Variants in ABLIM1 observed in about 807,000 individuals in gnomAD.
ABLIM1 encodes actin binding LIM protein 1.
Under a neutral mutation model 107.0 loss-of-function variants are expected in ABLIM1, and 40 were observed. That is an observed-to-expected ratio of 0.37 (90% confidence interval 0.29 to 0.49). ABLIM1 has a LOEUF of 0.49. Among genes scored for constraint, ABLIM1 ranks in the 20% least tolerant of loss-of-function variants. ABLIM1 has a pLI of 0.97. For synonymous variants in ABLIM1, 357 were observed against 357.3 expected, an observed-to-expected ratio of 1.00 and a Z score of 0.01; for missense variants, 857 against 1,008.5, an observed-to-expected ratio of 0.85 and a Z score of 2.04.
intron 8 of ABLIM1, among the ~76,000 whole-genome samples, chr10:114,486,849 C>T (rs550279620): frequency 7.9e-5 from 12 of 151,814 alleles, no homozygotes; most frequent in African/African-American, 2.2e-4. Context: ...TTGATGGATG[C>T]GAATTGAGGA....
chr10:114,662,512 C>A (rs968723656), upstream of ABLIM1, among the ~76,000 whole-genome samples: 14 of 152,160 alleles, frequency 9.2e-5, no homozygotes, highest in African/African-American at 3.4e-4. Flanking sequence ...ATCTTCTCTG[C>A]AAAGCCCAAT....
intron 2 of ABLIM1, among the ~76,000 whole-genome samples, chr10:114,578,886 A>C (rs1020063319): frequency 6.8e-6 from 1 of 145,986 alleles, no homozygotes; most frequent in Non-Finnish European, 1.5e-5. Flanking sequence ...TCCTGGGTTC[A>C]AGCGATTCTC....
At chr10:114,573,760 T>A (rs1022487944) in intron 3 of ABLIM1, among the ~76,000 whole-genome samples, 2 of 152,158 alleles carry the variant, frequency 1.3e-5, no homozygotes, top group Non-Finnish European at 2.9e-5. Context: ...GTTCACAGCT[T>A]CTCATTCTAA....
At chr10:114,547,527 G>T (rs1565897637) in intron 5 of ABLIM1, 123 bp downstream of exon 5, 1 of 1,303,716 alleles carries the variant, frequency 7.7e-7, no homozygotes, top group Non-Finnish European at 1.0e-6. Context: ...AGTTCATTAT[G>T]ATGGCAGGAT....
chr10:114,757,201 C>A (rs1421867815), intron 1 of ABLIM1, among the ~76,000 whole-genome samples: 8 of 152,190 alleles, frequency 5.3e-5, no homozygotes, highest in East Asian at 1.9e-4. Context: ...TAGATAGATT[C>A]TTTTCCTGGT....
intron 6 of ABLIM1, among the ~76,000 whole-genome samples, chr10:114,533,660 T>C (rs1008084693): frequency 1.3e-5 from 2 of 151,410 alleles, no homozygotes; most frequent in African/African-American, 2.4e-5. Flanking sequence ...AATTATCGTG[T>C]TTTTGTTGTT....
chr10:114,541,999 G>A (rs912659755), intron 6 of ABLIM1, among the ~76,000 whole-genome samples: 4 of 152,010 alleles, frequency 2.6e-5, no homozygotes, highest in Non-Finnish European at 4.4e-5. Flanking sequence ...AGCTCCACAT[G>A]TGGACTAAGA....
intron 6 of ABLIM1, among the ~76,000 whole-genome samples, chr10:114,512,853 AAAGAAGGAAGGAAGGAAGGAAGGAAG>A (rs2062101206): frequency 6.6e-5 from 8 of 121,904 alleles, no homozygotes; most frequent in African/African-American, 1.6e-4. Context: ...GGAAGGAAGG[AAAGAAGGAAGGAAGGAAGGAAGGAAG>A]GAAGGAAGGA....
chr10:114,686,656 T>C (rs1219854626), upstream of ABLIM1, among the ~76,000 whole-genome samples: 1 of 152,026 alleles, frequency 6.6e-6, no homozygotes, highest in Non-Finnish European at 1.5e-5. Flanking sequence ...TGAGATAGAG[T>C]CTCACTCTGT....
the ABLIM1 span, among the ~76,000 whole-genome samples, chr10:114,796,292 C>T: frequency 0.013 from 2,013 of 152,234 alleles, 39 homozygotes; most frequent in African/African-American, 0.044. Context: ...CAAGAGGTTG[C>T]GATAAAGATG....
chr10:114,630,192 G>A (rs146439120), intron 1 of ABLIM1, among the ~76,000 whole-genome samples: 253 of 152,236 alleles, frequency 1.7e-3, no homozygotes, highest in African/African-American at 5.4e-3. Flanking sequence ...CAAGAGTCCC[G>A]CAAGAATGGA....
At chr10:114,709,099 G>A (rs2081487915) in intron 1 of ABLIM1, among the ~76,000 whole-genome samples, 1 of 152,178 alleles carries the variant, frequency 6.6e-6, no homozygotes, top group Non-Finnish European at 1.5e-5. Flanking sequence ...TTAAGTTACT[G>A]CTAGCTATTA....
intron 14 of ABLIM1, 38 bp downstream of exon 14, chr10:114,451,586 T>C (rs182327654): frequency 1.9e-6 from 3 of 1,581,926 alleles, no homozygotes; most frequent in Non-Finnish European, 1.7e-6. Context: ...CAGCTGACTT[T>C]GCTATTTAAA....
intron 4 of ABLIM1, 102 bp from the exon 5 acceptor site, chr10:114,547,878 C>T (rs1316316764): frequency 7.0e-6 from 10 of 1,436,530 alleles, no homozygotes; most frequent in Non-Finnish European, 9.4e-6. Context: ...CACACTCAAT[C>T]AATATTTACT....
intron 2 of ABLIM1, among the ~76,000 whole-genome samples, chr10:114,591,749 C>T (rs2074904742): frequency 6.7e-6 from 1 of 149,510 alleles, no homozygotes; most frequent in Non-Finnish European, 1.5e-5. Context: ...TTATCTGAAA[C>T]ACCTGAGACC....
chr10:114,567,837 C>CT (rs1443766912), intron 4 of ABLIM1, among the ~76,000 whole-genome samples: 3 of 152,186 alleles, frequency 2.0e-5, no homozygotes, highest in Non-Finnish European at 4.4e-5. Context: ...TTGGCCTTGG[C>CT]TTTCTGGTAG....
intron 1 of ABLIM1, among the ~76,000 whole-genome samples, chr10:114,763,254 A>T (rs1420638370): frequency 6.6e-6 from 1 of 152,174 alleles, no homozygotes; most frequent in Non-Finnish European, 1.5e-5. Flanking sequence ...TGAGGTTTTG[A>T]TAGGAAGGGA....
intron 1 of ABLIM1, among the ~76,000 whole-genome samples, chr10:114,722,741 T>C (rs2081876467): frequency 6.6e-6 from 1 of 152,262 alleles, no homozygotes; most frequent in Non-Finnish European, 1.5e-5. Flanking sequence ...TGCTTTGTCC[T>C]TGCCTGGGCA....
At chr10:114,712,070 T>C (rs1251781528) in intron 1 of ABLIM1, among the ~76,000 whole-genome samples, 3 of 151,972 alleles carry the variant, frequency 2.0e-5, no homozygotes, top group Non-Finnish European at 4.4e-5. Flanking sequence ...AGTACATTAA[T>C]GGCTGGGCTC....
Sources: gnomAD v4.1 joint callset for allele counts (sites outside exome capture counted in the v4.1 genomes callset) on GRCh38, gnomAD v4.1.1 for gene constraint, MANE v1.5 for transcripts, NCBI Gene and HGNC (gene_info 2026-07-23, HGNC 2026-07-21) for gene names.